The following PDGFA variants were observed in gnomAD, a reference collection of about 807,000 sequenced individuals.
PDGFA encodes platelet-derived growth factor subunit A.
PDGFA carries 9 observed loss-of-function variants against 25.6 expected under a neutral mutation model. The ratio of observed to expected loss-of-function variants is 0.35; its 90% CI spans 0.21 to 0.61. The LOEUF (loss-of-function observed/expected upper bound fraction) is 0.61. Ranked by LOEUF, PDGFA falls within the 20% of genes least tolerant of loss-of-function variation. PDGFA has a pLI of 0.75. For synonymous variants in PDGFA, 133 were observed against 111.8 expected (o/e 1.19, Z -1.20); for missense variants, 242 against 272.8 (o/e 0.89, Z 0.79).
At chr7:508,590 T>A (rs12720027) in intron 4 of PDGFA, among the ~76,000 whole-genome samples, 5 of 130,968 alleles carry the variant, frequency 3.8e-5, no homozygotes, top group African/African-American at 1.2e-4. Flanking sequence ...AAAAAAAAAT[T>A]CTCAGCTGAG....
intron 4 of PDGFA, among the ~76,000 whole-genome samples, chr7:504,026 G>A (rs914546170): frequency 1.3e-5 from 2 of 152,110 alleles, no homozygotes; most frequent in Admixed American, 6.5e-5. Context: ...TCCGCAGGCC[G>A]TGCACACACT....
chr7:498,494 G>A (rs906174025), exon 6 of PDGFA: 17 of 1,484,526 alleles, frequency 1.1e-5, no homozygotes, highest in South Asian at 3.6e-5. Flanking sequence ...ATAAAGCACC[G>A]TACATAGTAG....
At position 501,041 on chromosome 7, in the gene PDGFA, G is replaced by T. The variant is rs777051058; in HGVS notation, c.580+75C>A. ...AGCAGTAAGCGTTGCGCTCAAGGGG[G>T]CCACCTAACACCCCAAAAGCAAGGC... On this transcript the variant is annotated intron_variant, in intron 5 of 5. Coordinates refer to ENST00000402802, the Ensembl canonical transcript of PDGFA. 2.5e-6 allele frequency: 4 copies of T among 1,612,494 alleles called. No homozygotes were observed. In the South Asian group the frequency reaches 3.3e-5, roughly 13 times the overall value.
intron 4 of PDGFA, among the ~76,000 whole-genome samples, chr7:509,907 G>A (rs992651045): frequency 6.6e-6 from 1 of 152,212 alleles, no homozygotes; most frequent in African/African-American, 2.4e-5. Context: ...TTCTATGGAA[G>A]GAAGTCTGCT....
At position 517,738 on chromosome 7, in the gene PDGFA, C is replaced by T. The variant is rs972842356; in HGVS notation, c.64-248G>A. Reference sequence around the variant, plus strand: ...CCTTTGCAAAATCAAAGCCCCCCCCCCTTTATATTTTCAGACAAAAGCCCC... The same window carrying T: ...CCTTTGCAAAATCAAAGCCCCCCCCTCTTTATATTTTCAGACAAAAGCCCC... On this transcript the variant is annotated intron_variant, in intron 1 of 5. Coordinates refer to ENST00000402802, the Ensembl canonical transcript of PDGFA. This position sits in a 1 kb window ranked among gnomAD's most constrained non-coding sequence, Gnocchi z 7.4. 6.6e-6 allele frequency among the ~76,000 whole-genome samples: 1 copy of T among 151,764 alleles called. No individual in the cohort carries two copies. The highest frequency in any genetic ancestry group is 2.1e-4 in the South Asian group (1 of 4,820).
Position 517,308 on chromosome 7 carries a change from G to C in PDGFA, c.160+86C>G. 1 of 449,838 alleles carries C rather than the reference G, an allele frequency of 2.2e-6. No individual in the cohort carries two copies. The highest frequency in any genetic ancestry group is 5.1e-5 in the Admixed American group (1 of 19,592). The allele number at this position is 449,838 out of a possible 1,614,324, so 27.9% of individuals were successfully genotyped here. ...TTCTGACCTTTCGGTGCGCTCCTGC[G>C]CGGCGCCCCGCCCGGCCCCAGCTCG... On this transcript the variant is annotated intron_variant, in intron 2 of 5. Coordinates refer to ENST00000402802, the Ensembl canonical transcript of PDGFA. The surrounding 1 kb of genome is among the most constrained non-coding windows in gnomAD (Gnocchi z 7.4).
At chr7:499,072 A>G (rs187444799) in intron 5 of PDGFA, among the ~76,000 whole-genome samples, 170 of 152,308 alleles carry the variant, frequency 1.1e-3, no homozygotes, top group African/African-American at 3.5e-3. Flanking sequence ...ACACTCCAAC[A>G]CGTGGGCTGC....
intron 2 of PDGFA, among the ~76,000 whole-genome samples, chr7:513,618 G>A (rs1481793918): frequency 6.6e-6 from 1 of 152,128 alleles, no homozygotes; most frequent in African/African-American, 2.4e-5. Context: ...CCCCTCCTGG[G>A]AAGCTTGGGA....
intron 4 of PDGFA, among the ~76,000 whole-genome samples, chr7:508,763 A>T (rs148736976): frequency 0.073 from 11,102 of 151,964 alleles, 456 homozygotes; most frequent in South Asian, 0.11. Flanking sequence ...GCCCTAAGAG[A>T]GCCCATCCCT....
intron 2 of PDGFA, chr7:512,840 CG>C: frequency 2.8e-6 from 1 of 355,066 alleles, no homozygotes; most frequent in Non-Finnish European, 5.4e-6. Context: ...CGCCCAGCTC[CG>C]TGCACCTCCC....
At chr7:519,196 CAGG>C (rs1783250800) in exon 1 of PDGFA, 3 of 427,902 alleles carry the variant, frequency 7.0e-6, no homozygotes, top group Non-Finnish European at 1.2e-5. Flanking sequence ...CAGCGCCAGC[CAGG>C]AGGAGGAGAA....
At chr7:519,760 GC>G (rs922488235), upstream of PDGFA, among the ~76,000 whole-genome samples, 2 of 147,962 alleles carry the variant, frequency 1.4e-5, no homozygotes, top group Non-Finnish European at 3.0e-5. Context: ...CGGCGCCTCC[GC>G]CGCAGCCGCC....
exon 6 of PDGFA, chr7:498,316 C>G: frequency 5.9e-6 from 3 of 512,442 alleles, no homozygotes. Context: ...TGTTTTCTCT[C>G]TCTCTTTCTC....
intron 4 of PDGFA, among the ~76,000 whole-genome samples, chr7:503,509 G>A (rs1782441008): frequency 6.6e-6 from 1 of 152,158 alleles, no homozygotes; most frequent in Non-Finnish European, 1.5e-5. Flanking sequence ...TGCCTCCCAG[G>A]CAGTCAGGAG....
At chr7:520,337 C>G (rs1175542796), upstream of PDGFA, 1 of 172,502 alleles carries the variant, frequency 5.8e-6, no homozygotes, top group African/African-American at 2.4e-5. Context: ...CTTCCTCTCT[C>G]CATAAAAGGA....
intron 2 of PDGFA, among the ~76,000 whole-genome samples, chr7:514,009 T>A (rs1033080923): frequency 3.9e-5 from 6 of 152,222 alleles, no homozygotes; most frequent in African/African-American, 1.4e-4. Flanking sequence ...CACTTATGAA[T>A]CACATCCTGG....
At chr7:519,976 G>GT (rs993754346), upstream of PDGFA, 18 of 330,208 alleles carry the variant, frequency 5.5e-5, no homozygotes, top group Non-Finnish European at 4.7e-5. Flanking sequence ...AGCGCTCGGG[G>GT]TTCGTGCGGA....
At chr7:508,977 T>C (rs1388751924) in intron 4 of PDGFA, among the ~76,000 whole-genome samples, 1 of 152,052 alleles carries the variant, frequency 6.6e-6, no homozygotes, top group Non-Finnish European at 1.5e-5. Context: ...ATTGCACAGG[T>C]GAGGAAAATG....
At chr7:516,020 G>T (rs1783076451) in intron 2 of PDGFA, among the ~76,000 whole-genome samples, 1 of 77,500 alleles carries the variant, frequency 1.3e-5, no homozygotes, top group South Asian at 4.3e-4. Context: ...AAAAAGCCCT[G>T]AAACCTTCTC....
Sources: allele counts gnomAD v4.1 joint callset (sites outside exome capture counted in the v4.1 genomes callset), GRCh38; gene constraint gnomAD v4.1.1; non-coding constraint Gnocchi (gnomAD v3.1); transcripts MANE v1.5; gene names NCBI Gene and HGNC (gene_info 2026-07-23, HGNC 2026-07-21).